The following ITGA11 variants were observed in gnomAD, a reference collection of about 807,000 sequenced individuals.
ITGA11 encodes integrin alpha-11.
ITGA11 carries 97 observed loss-of-function variants against 141.9 expected under a neutral mutation model. That is an observed-to-expected ratio of 0.68 (90% CI 0.58 to 0.81). The LOEUF (loss-of-function observed/expected upper bound fraction) is 0.81, where lower values mean the gene tolerates loss of function less well. Among genes scored for constraint, ITGA11 ranks in the 30% least tolerant of loss-of-function variants. The pLI, the probability that ITGA11 is intolerant of heterozygous loss-of-function variation, is 0.00. For synonymous variants in ITGA11, 658 were observed against 624.6 expected (o/e 1.05, Z -0.80); for missense variants, 1,387 against 1,559.2 (o/e 0.89, Z 1.86).
In ITGA11 at chr15:68,307,331, G is replaced by A. The variant is rs1595848918; in HGVS notation, c.3381+17C>T. 3 of 1,540,074 alleles carry A rather than the reference G, an allele frequency of 1.9e-6. No homozygotes were observed. The South Asian group carries it at 3.6e-5, about 18-fold the overall frequency. On this transcript the variant is annotated intron_variant, in intron 28 of 29. Transcript: ENST00000315757. The surrounding 1 kb of genome is among the most constrained non-coding windows in gnomAD (Gnocchi z 6.1). ...GTCCGGCCTAAGCCCAGTTCTGCAG[G>A]GCTCCCAGGGGCTCACCTGGCGGCT...
chr15:68,421,780 T>C (rs944917312), intron 1 of ITGA11, among the ~76,000 whole-genome samples: 1 of 152,062 alleles, frequency 6.6e-6, no homozygotes, highest in Non-Finnish European at 1.5e-5. Flanking sequence ...GAGAGGACAT[T>C]ATGTAGCCCA....
chr15:68,332,542 G>C, intron 12 of ITGA11, 64 bp from the exon 13 acceptor site: 1 of 1,543,884 alleles, frequency 6.5e-7, no homozygotes, highest in South Asian at 1.2e-5. Flanking sequence ...CAGAGCCCTC[G>C]CCTCGCGGGC....
At chr15:68,327,050 A>C (rs1893997322) in intron 16 of ITGA11, among the ~76,000 whole-genome samples, 1 of 151,918 alleles carries the variant, frequency 6.6e-6, no homozygotes, top group Non-Finnish European at 1.5e-5. Flanking sequence ...GAAAGTGAAC[A>C]CCGCAGATGA....
chr15:68,384,231 C>T (rs1213353302), intron 2 of ITGA11, among the ~76,000 whole-genome samples: 5 of 143,632 alleles, frequency 3.5e-5, no homozygotes, highest in Admixed American at 1.4e-4. Flanking sequence ...GACATCTCTT[C>T]AATTTCTGGG....
At chr15:68,418,942 T>C (rs1366847431) in intron 1 of ITGA11, among the ~76,000 whole-genome samples, 1 of 151,972 alleles carries the variant, frequency 6.6e-6, no homozygotes, top group Non-Finnish European at 1.5e-5. Context: ...TGGCAGGGCT[T>C]TCCCTCAGAC....
rs1893050245 is a variant in ITGA11, at chr15:68,302,098, G to GTGTGTGTGTT, written c.*960_*961insAACACACACA. Reference sequence around the variant, plus strand: ...TGTGTGTGTGTGTGTGTGTGTGTGTGTGTGTGTGTGTGTGTGTAGGGAGGG... The same window carrying GTGTGTGTGTT: ...TGTGTGTGTGTGTGTGTGTGTGTGTGTGTGTGTGTTTGTGTGTGTGTGTGTGTAGGGAGGG... On this transcript the variant is annotated 3_prime_UTR_variant, in exon 30 of 30. Coordinates refer to ENST00000315757, the MANE Select transcript of ITGA11 (RefSeq NM_001004439.2). 2.3e-4 allele frequency: 22 copies of GTGTGTGTGTT among 97,528 alleles called. No homozygotes were observed. The highest frequency in any genetic ancestry group is 2.2e-3 in the Admixed American group (22 of 10,020). 6.0% of individuals were successfully genotyped at this position (97,528 alleles called of 1,614,324 possible). A position where few individuals can be genotyped will look rare whatever the true frequency, so the allele number is the denominator to read the frequency against.
intron 9 of ITGA11, 135 bp downstream of exon 9, chr15:68,350,482 G>T: frequency 1.2e-6 from 1 of 827,672 alleles, no homozygotes; most frequent in Non-Finnish European, 1.8e-6. Context: ...GAGTCACCAT[G>T]CCTGGCCTGG....
chr15:68,394,982 G>A (rs768760323), intron 2 of ITGA11, among the ~76,000 whole-genome samples: 60 of 152,118 alleles, frequency 3.9e-4, no homozygotes, highest in Non-Finnish European at 3.1e-4. Flanking sequence ...TGCAGAAGAC[G>A]GGTGATTTCT....
At chr15:68,401,257 G>T (rs1434374453) in intron 2 of ITGA11, among the ~76,000 whole-genome samples, 1 of 151,924 alleles carries the variant, frequency 6.6e-6, no homozygotes, top group Non-Finnish European at 1.5e-5. Context: ...TTTTACTAGA[G>T]AGAGTTTAAA....
At position 68,364,796 on chromosome 15, in the gene ITGA11, T is replaced by C. The variant is rs747654518; in HGVS notation, c.268A>G (p.Arg90Gly). The C allele has an allele frequency of 3.8e-5, 62 of 1,613,504 alleles. No homozygotes were observed. The highest frequency in any genetic ancestry group is 5.0e-5 in the Non-Finnish European group (59 of 1,179,702). The change falls in exon 4 of 30, where the codon AGG (arginine) becomes GGG (glycine). Residue 90 changes from arginine to glycine, a missense_variant and splice_region_variant. By Grantham distance (125) the Arg-to-Gly change is moderately radical. Transcript: ENST00000315757. ...HGNCTKLNLG[R>G]VTLSNVSERK... Reference sequence around the variant, plus strand: ...TCGGACACGTTGGACAGGGTGACCCTTCCTGGGGTTGGGGGAGAAGTTCAG... The same window carrying C: ...TCGGACACGTTGGACAGGGTGACCCCTCCTGGGGTTGGGGGAGAAGTTCAG...
rs1475877310 is a variant in ITGA11 at position 68,321,211 on chromosome 15, TA to T, written c.2408+206del. Among the ~76,000 whole-genome samples, 1 of 151,490 alleles carries T rather than the reference TA, an allele frequency of 6.6e-6. No individual in the cohort carries two copies. Among genetic ancestry groups the T allele is most frequent in the East Asian group, 1.9e-4 (1 of 5,162 alleles). ...AAAATTTGAAATTAGATTAGACTAG[TA>T]GTTTCATATTACAGAAGAGACTTTC... On this transcript the variant is annotated intron_variant, in intron 19 of 29. Coordinates refer to ENST00000315757, the MANE Select transcript of ITGA11 (RefSeq NM_001004439.2). This position sits in a 1 kb window ranked among gnomAD's most constrained non-coding sequence, Gnocchi z 4.9.
chr15:68,381,827 A>G (rs1895869259), intron 2 of ITGA11, among the ~76,000 whole-genome samples: 1 of 152,202 alleles, frequency 6.6e-6, no homozygotes, highest in Non-Finnish European at 1.5e-5. Context: ...AAGTGCTGGG[A>G]TTATAGACGT....
chr15:68,424,680 G>C (rs1897099411), intron 1 of ITGA11, among the ~76,000 whole-genome samples: 1 of 152,080 alleles, frequency 6.6e-6, no homozygotes, highest in Admixed American at 6.6e-5. Flanking sequence ...AGGTGAACAG[G>C]AGTCAACCCT....
Position 68,307,221 on chromosome 15 carries a change from C to CT in ITGA11, c.3381+126dup, listed in dbSNP as rs1336846299. 1 of 680,578 alleles carries CT rather than the reference C, an allele frequency of 1.5e-6. No individual in the cohort carries two copies. The highest frequency in any genetic ancestry group is 2.5e-6 in the Non-Finnish European group (1 of 402,368). The allele number at this position is 680,578 out of a possible 1,614,324, so 42.2% of individuals were successfully genotyped here. A position where few individuals can be genotyped will look rare whatever the true frequency, so the allele number is the denominator to read the frequency against. Reference sequence around the variant, plus strand: ...GCGGCTGCCCTAACAGCCCACAGGTCTGCCTGATTCTCTCCTGCTGGGACA... The same window carrying CT: ...GCGGCTGCCCTAACAGCCCACAGGTCTTGCCTGATTCTCTCCTGCTGGGACA... On this transcript the variant is annotated intron_variant, in intron 28 of 29. Coordinates refer to ENST00000315757, the MANE Select transcript of ITGA11 (RefSeq NM_001004439.2). The surrounding 1 kb of genome is among the most constrained non-coding windows in gnomAD (Gnocchi z 6.1).
rs1320261834 is a variant in ITGA11, at chr15:68,298,897, T to G, written c.*4162A>C. 1 of 151,668 alleles carries G rather than the reference T, an allele frequency of 6.6e-6. No individual in the cohort carries two copies. The highest frequency in any genetic ancestry group is 1.5e-5 in the Non-Finnish European group (1 of 67,940). 9.4% of individuals were successfully genotyped at this position (151,668 alleles called of 1,614,324 possible). On this transcript the variant is annotated 3_prime_UTR_variant, in exon 30 of 30. Transcript: ENST00000315757. ...CCTGTCTCTACAAAAAATACTAAAA[T>G]TAGCTGAGTGTGGTGTGTGCCTGTA...
At position 68,328,874 on chromosome 15, in the gene ITGA11, G is replaced by A. The variant is rs571135300; in HGVS notation, c.1902-612C>T. Among the ~76,000 whole-genome samples, 43 of 152,226 alleles carry A rather than the reference G, an allele frequency of 2.8e-4. No individual in the cohort carries two copies. Among genetic ancestry groups the A allele is most frequent in the African/African-American group, 9.2e-4 (38 of 41,520 alleles). ...TTAAAGCACCCCAGGTGATTCCAAC[G>A]TGCAGCCAGCATCCATCTAACCCCC... On this transcript the variant is annotated intron_variant, in intron 15 of 29. Coordinates refer to ENST00000315757, the MANE Select transcript of ITGA11 (RefSeq NM_001004439.2). The surrounding 1 kb of genome is among the most constrained non-coding windows in gnomAD (Gnocchi z 4.8).
rs1439932938 is a variant in ITGA11, at chr15:68,326,108, C to T, written c.2211+546G>A. ...CATTGAACTACTGGGACCAGGAGGG[C>T]TCTGAGTGACCCTGCTTGCATCTCT... On this transcript the variant is annotated intron_variant, in intron 17 of 29. Coordinates refer to ENST00000315757, the MANE Select transcript of ITGA11 (RefSeq NM_001004439.2). This position sits in a 1 kb window ranked among gnomAD's most constrained non-coding sequence, Gnocchi z 6.8. Among the ~76,000 whole-genome samples, 1 of 152,218 alleles carries T rather than the reference C, an allele frequency of 6.6e-6. No homozygotes were observed. The highest frequency in any genetic ancestry group is 1.5e-5 in the Non-Finnish European group (1 of 68,034).
chr15:68,387,156 G>T (rs572763185), intron 2 of ITGA11, among the ~76,000 whole-genome samples: 3 of 152,154 alleles, frequency 2.0e-5, no homozygotes, highest in African/African-American at 7.2e-5. Context: ...AGGATAAGAG[G>T]GAGAGAGGGA....
intron 1 of ITGA11, among the ~76,000 whole-genome samples, chr15:68,423,685 C>T (rs16952036): frequency 0.041 from 6,289 of 152,230 alleles, 426 homozygotes; most frequent in African/African-American, 0.14. Flanking sequence ...CTCACTTTGA[C>T]GGCTGTGGAG....
Sources: allele counts gnomAD v4.1 joint callset (sites outside exome capture counted in the v4.1 genomes callset), GRCh38; gene constraint gnomAD v4.1.1; non-coding constraint Gnocchi (gnomAD v3.1); transcripts MANE v1.5; gene names NCBI Gene and HGNC (gene_info 2026-07-23, HGNC 2026-07-21).